C1QTNF1: variants seen among roughly 807,000 people sequenced by gnomAD.
C1QTNF1 encodes the protein C1q and TNF related 1, also known as complement C1q tumor necrosis factor-related protein 1.
A neutral mutation model predicts 27.8 loss-of-function variants in C1QTNF1; 22 were observed. That is an observed-to-expected ratio of 0.79 (90% CI 0.56 to 1.13). The LOEUF is 1.13. Among genes scored for constraint, C1QTNF1 ranks in the 50% most tolerant of loss-of-function variants. The probability of loss-of-function intolerance (pLI) is 0.00; values close to 1 mark genes in which losing one functional copy is unlikely to be tolerated. For synonymous variants in C1QTNF1, 166 were observed against 154.3 expected, an observed-to-expected ratio of 1.08 and a Z score of -0.56; for missense variants, 373 against 380.2, an observed-to-expected ratio of 0.98 and a Z score of 0.16.
chr17:79,044,909 T>C (rs4789918), intron 2 of C1QTNF1, among the ~76,000 whole-genome samples: 34,582 of 152,158 alleles, frequency 0.23, 4,842 homozygotes, highest in East Asian at 0.68. Context: ...ATTCCGTTCT[T>C]TCTTCCTCTC....
At chr17:79,023,720 A>G (rs1239818744), upstream of C1QTNF1, among the ~76,000 whole-genome samples, 1 of 152,060 alleles carries the variant, frequency 6.6e-6, no homozygotes, top group Non-Finnish European at 1.5e-5. Context: ...ACACACACAC[A>G]CACACACACA....
Position 79,032,513 on chromosome 17 carries a change from G to A in C1QTNF1, c.-15+8019G>A, listed in dbSNP as rs776876424. Among the ~76,000 whole-genome samples the A allele has an allele frequency of 1.1e-4, 17 of 152,172 alleles. 1 individual carries two copies. The highest frequency in any genetic ancestry group is 5.9e-4 in the Admixed American group (9 of 15,286). On this transcript the variant is annotated intron_variant, in intron 1 of 3. Coordinates refer to ENST00000579760, the MANE Select transcript of C1QTNF1 (RefSeq NM_030968.5). Reference sequence around the variant, plus strand: ...TTTCAGAGCTGCCTCTGGAAGCAGCGTGGGAGACAGATGGGAGGCAGAAAA... The same window carrying A: ...TTTCAGAGCTGCCTCTGGAAGCAGCATGGGAGACAGATGGGAGGCAGAAAA...
intron 3 of C1QTNF1, among the ~76,000 whole-genome samples, 164 bp from the exon 4 acceptor site, chr17:79,047,374 G>T (rs900338251): frequency 5.3e-5 from 8 of 152,076 alleles, no homozygotes; most frequent in Admixed American, 1.3e-4. Context: ...GCCAGGCTGG[G>T]ACGCCGCCCG....
At chr17:79,043,680 T>C (rs921413477) in intron 1 of C1QTNF1, 2 of 566,282 alleles carry the variant, frequency 3.5e-6, no homozygotes, top group East Asian at 4.1e-5. Flanking sequence ...ATTGCATGTG[T>C]GTTGAGTGTG....
chr17:79,045,833 A>C (rs1334524148), intron 2 of C1QTNF1, among the ~76,000 whole-genome samples: 3 of 152,152 alleles, frequency 2.0e-5, no homozygotes, highest in African/African-American at 7.2e-5. Flanking sequence ...TGAGATGTCC[A>C]TCTGGGAGTC....
chr17:79,027,068 C>T (rs1200304822), intron 1 of C1QTNF1, among the ~76,000 whole-genome samples: 1 of 136,710 alleles, frequency 7.3e-6, no homozygotes, highest in Non-Finnish European at 1.6e-5. Flanking sequence ...CCTCAGGGGT[C>T]CCTGTTCCTG....
At chr17:79,028,428 C>A (rs922263618) in intron 1 of C1QTNF1, among the ~76,000 whole-genome samples, 1 of 152,208 alleles carries the variant, frequency 6.6e-6, no homozygotes. Flanking sequence ...GGCCCCCTGA[C>A]TCTGCCCACA....
chr17:79,032,932 G>T (rs904953425), intron 1 of C1QTNF1, among the ~76,000 whole-genome samples: 3 of 152,066 alleles, frequency 2.0e-5, no homozygotes, highest in Non-Finnish European at 2.9e-5. Context: ...GCTGGGCGTG[G>T]TGGTGGGCAC....
chr17:79,032,126 CTT>C (rs2072153365), intron 1 of C1QTNF1, among the ~76,000 whole-genome samples: 1 of 152,108 alleles, frequency 6.6e-6, no homozygotes, highest in Non-Finnish European at 1.5e-5. Flanking sequence ...GGCTTGGAGT[CTT>C]GGGGACAGGA....
chr17:79,043,875 C>T (rs1410926360), intron 1 of C1QTNF1, 80 bp from the exon 2 acceptor site: 5 of 1,521,664 alleles, frequency 3.3e-6, no homozygotes, highest in Admixed American at 3.3e-5. Flanking sequence ...CAGGCTGTTT[C>T]TCTCCCCAAT....
intron 1 of C1QTNF1, among the ~76,000 whole-genome samples, chr17:79,030,544 T>C (rs796494630): frequency 1.4e-5 from 2 of 141,046 alleles, no homozygotes; most frequent in South Asian, 2.3e-4. Flanking sequence ...TTCTTTCTTT[T>C]TCTTTCTTTC....
chr17:79,041,803 C>G (rs1193367928), intron 1 of C1QTNF1: 1 of 151,110 alleles, frequency 6.6e-6, no homozygotes, highest in Non-Finnish European at 1.5e-5. Flanking sequence ...CTACAGACAT[C>G]CCCCGCAGAG....
At chr17:79,041,849 A>T (rs1245712927) in intron 1 of C1QTNF1, 1 of 152,132 alleles carries the variant, frequency 6.6e-6, no homozygotes, top group Non-Finnish European at 1.5e-5. Context: ...TGTGTGGAAG[A>T]AATTCCCGGC....
chr17:79,044,935 A>T (rs894607946), intron 2 of C1QTNF1, among the ~76,000 whole-genome samples: 1 of 152,098 alleles, frequency 6.6e-6, no homozygotes, highest in African/African-American at 2.4e-5. Context: ...TCTTTCTTTG[A>T]TTGAGCCCCT....
rs901828719 is a variant in C1QTNF1, at chr17:79,046,805, G to A, written c.295+111G>A. 6.5e-6 allele frequency: 9 copies of A among 1,381,044 alleles called. No homozygotes were observed. The highest frequency in any genetic ancestry group is 8.9e-6 in the Non-Finnish European group (9 of 1,006,734). The allele number at this position is 1,381,044 out of a possible 1,614,324, so 85.5% of individuals were successfully genotyped here. ...TAGGCGAGAGCAGAATGGCTCCCTC[G>A]GGACAGGGAGCAGAGGCAGGCAGGC... On this transcript the variant is annotated intron_variant, in intron 3 of 3. Coordinates refer to ENST00000579760, the MANE Select transcript of C1QTNF1 (RefSeq NM_030968.5). This position sits in a 1 kb window ranked among gnomAD's most constrained non-coding sequence, Gnocchi z 4.8.
At position 79,046,874 on chromosome 17, in the gene C1QTNF1, T is replaced by C; in HGVS notation, c.295+180T>C. 1.3e-6 allele frequency: 1 copy of C among 794,972 alleles called. No individual in the cohort carries two copies. The highest frequency in any genetic ancestry group is 2.8e-5 in the East Asian group (1 of 36,106). 49.2% of individuals were successfully genotyped at this position (794,972 alleles called of 1,614,324 possible). ...GCACAGGAAATTCTGATTTTGAGGC[T>C]CTGGCCCCTCTCCAAGAGGAGGGGT... is the stretch of plus-strand genomic sequence containing the variant. On this transcript the variant is annotated intron_variant, in intron 3 of 3. Coordinates refer to ENST00000579760, the MANE Select transcript of C1QTNF1 (RefSeq NM_030968.5). The surrounding 1 kb of genome is among the most constrained non-coding windows in gnomAD (Gnocchi z 4.8).
At chr17:79,041,543 C>G (rs1200072090) in intron 1 of C1QTNF1, among the ~76,000 whole-genome samples, 1 of 152,104 alleles carries the variant, frequency 6.6e-6, no homozygotes, top group Non-Finnish European at 1.5e-5. Flanking sequence ...CTCGGGAGGC[C>G]GAGGTGGGTG....
At chr17:79,045,964 C>A (rs1018166980) in intron 2 of C1QTNF1, among the ~76,000 whole-genome samples, 1 of 152,070 alleles carries the variant, frequency 6.6e-6, no homozygotes, top group African/African-American at 2.4e-5. Context: ...TTGCTGCCCC[C>A]GTGGGTCTGC....
chr17:79,039,308 C>T (rs1325346421), intron 1 of C1QTNF1, among the ~76,000 whole-genome samples: 2 of 152,208 alleles, frequency 1.3e-5, no homozygotes, highest in Admixed American at 6.5e-5. Flanking sequence ...TCCTACAGCA[C>T]ACAGGCTAGC....
Sources: allele counts gnomAD v4.1 joint callset (sites outside exome capture counted in the v4.1 genomes callset), GRCh38; gene constraint gnomAD v4.1.1; non-coding constraint Gnocchi (gnomAD v3.1); transcripts MANE v1.5; gene names NCBI Gene and HGNC (gene_info 2026-07-23, HGNC 2026-07-21).